KIAA0586: variants seen among roughly 807,000 people sequenced by gnomAD.
KIAA0586 encodes the protein KIAA0586, also known as protein TALPID3.
KIAA0586 carries 144 observed loss-of-function variants against 169.8 expected under a neutral mutation model. The ratio of observed to expected loss-of-function variants is 0.85; its 90% confidence interval spans 0.74 to 0.97. The LOEUF is 0.97. KIAA0586 is among the 50% of genes least tolerant of loss of function. The pLI, the probability that KIAA0586 is intolerant of heterozygous loss-of-function variation, is 0.00. For synonymous variants in KIAA0586, 625 were observed against 612.4 expected (o/e 1.02, Z -0.30); for missense variants, 1,854 against 1,823.0 (o/e 1.02, Z -0.31).
At position 58,490,251 on chromosome 14, in the gene KIAA0586, A is replaced by T. The variant is rs963314277; in HGVS notation, c.3858+11A>T. 1.4e-6 allele frequency: 2 copies of T among 1,443,874 alleles called. No homozygotes were observed. Among genetic ancestry groups the T allele is most frequent in the African/African-American group, 1.4e-5 (1 of 69,806 alleles). 89.4% of individuals were successfully genotyped at this position (1,443,874 alleles called of 1,614,324 possible). ...GATGCCGTTGAAATGGTAAGTAACGATTGACTCCAACACTGAATTCTGACA... is the reference window on the plus strand; with the variant it reads ...GATGCCGTTGAAATGGTAAGTAACGTTTGACTCCAACACTGAATTCTGACA... On this transcript the variant is annotated intron_variant, in intron 25 of 30. Transcript: ENST00000652326.
chr14:58,557,906 T>TTTTTTTTTTTG, the KIAA0586 span, among the ~76,000 whole-genome samples: 1 of 113,508 alleles, frequency 8.8e-6, no homozygotes. Context: ...GAAATCTTTT[T>TTTTTTTTTTTG]TTTTTTTTTT....
intron 26 of KIAA0586, among the ~76,000 whole-genome samples, chr14:58,495,517 C>G (rs1158921279): frequency 3.9e-5 from 6 of 152,040 alleles, no homozygotes; most frequent in Non-Finnish European, 7.4e-5. Context: ...AGGCTGATCT[C>G]CAACTTCTGA....
In KIAA0586 at chr14:58,457,883, A is replaced by G. The variant is rs763988521; in HGVS notation, c.1487A>G (p.Asn496Ser). ...DAEKILRGVQ[N>S]NKKVLEENLE... ...GAGAAGATTTTGAGAGGAGTACAAA[A>G]CAATAAAAAAGTACTTGAAGAAAAC... is the stretch of plus-strand genomic sequence containing the variant. The change falls in exon 11 of 31, where the codon AAC (asparagine) becomes AGC (serine). Residue 496 changes from asparagine (N) to serine (S), a missense_variant. Physicochemically the swap from Asn to Ser is conservative, Grantham distance 46 (BLOSUM62 1). Coordinates refer to ENST00000652326, the MANE Select transcript of KIAA0586 (RefSeq NM_001329943.3). 18 of 1,607,552 alleles carry G rather than the reference A, an allele frequency of 1.1e-5. No individual in the cohort carries two copies. In the African/African-American group the frequency reaches 1.2e-4, roughly 11 times the overall value.
chr14:58,505,968 A>G (rs2043909732), intron 27 of KIAA0586, among the ~76,000 whole-genome samples: 1 of 152,090 alleles, frequency 6.6e-6, no homozygotes, highest in South Asian at 2.1e-4. Context: ...ATGTTGCTAT[A>G]CTGTAGGAAA....
In KIAA0586 at chr14:58,548,114, A is replaced by G; in HGVS notation, c.*182A>G. The G allele has an allele frequency of 1.6e-6, 1 of 623,566 alleles. No individual in the cohort carries two copies. The highest frequency in any genetic ancestry group is 2.6e-6 in the Non-Finnish European group (1 of 382,490). The allele number at this position is 623,566 out of a possible 1,614,324, so 38.6% of individuals were successfully genotyped here. A position where few individuals can be genotyped will look rare whatever the true frequency, so the allele number is the denominator to read the frequency against. On this transcript the variant is annotated 3_prime_UTR_variant, in exon 31 of 31. Coordinates refer to ENST00000652326, the MANE Select transcript of KIAA0586 (RefSeq NM_001329943.3). The stretch of plus-strand genomic sequence containing the variant: ...TAAAGTTTTTAAATAAAATAAGTAT[A>G]AGTCATTATAAGTCTGATTGTGAGT...
At chr14:58,505,175 G>A (rs1195293610) in intron 27 of KIAA0586, among the ~76,000 whole-genome samples, 1 of 152,058 alleles carries the variant, frequency 6.6e-6, no homozygotes, top group Non-Finnish European at 1.5e-5. Flanking sequence ...AATATATATG[G>A]TATGTGTGAT....
At chr14:58,430,238 T>G (rs994164544) in intron 2 of KIAA0586, among the ~76,000 whole-genome samples, 7 of 152,094 alleles carry the variant, frequency 4.6e-5, no homozygotes, top group African/African-American at 1.7e-4. Context: ...ACACTGTTAT[T>G]GTATAATTGA....
At chr14:58,487,859 T>C (rs1291619596) in intron 22 of KIAA0586, 28 bp from the exon 23 acceptor site, 1 of 1,407,908 alleles carries the variant, frequency 7.1e-7, no homozygotes, top group East Asian at 2.5e-5. Context: ...TACTATCTTT[T>C]TCTGTCCTTT....
intron 29 of KIAA0586, among the ~76,000 whole-genome samples, chr14:58,526,559 AACAT>A (rs1429305031): frequency 6.6e-6 from 1 of 152,218 alleles, no homozygotes; most frequent in African/African-American, 2.4e-5. Flanking sequence ...GAAGGTCACT[AACAT>A]CAAAGACCAA....
downstream of KIAA0586, among the ~76,000 whole-genome samples, chr14:58,552,629 G>A (rs1485961069): frequency 3.3e-5 from 5 of 152,130 alleles, no homozygotes; most frequent in African/African-American, 1.2e-4. Flanking sequence ...AGTTCAGTAC[G>A]CTCCTACCAT....
intron 26 of KIAA0586, among the ~76,000 whole-genome samples, chr14:58,493,658 A>C (rs150129809): frequency 6.6e-6 from 1 of 152,088 alleles, no homozygotes; most frequent in African/African-American, 2.4e-5. Flanking sequence ...AAGGCTTAAC[A>C]TATTCCTTCT....
At chr14:58,449,643 A>T (rs2039187315) in intron 7 of KIAA0586, among the ~76,000 whole-genome samples, 1 of 152,354 alleles carries the variant, frequency 6.6e-6, no homozygotes, top group African/African-American at 2.4e-5. Context: ...TGCCTGCTCA[A>T]GGTTACCTGA....
chr14:58,455,199 ATC>A (rs1448220375), intron 9 of KIAA0586, among the ~76,000 whole-genome samples: 2 of 151,318 alleles, frequency 1.3e-5, no homozygotes, highest in African/African-American at 4.9e-5. Flanking sequence ...AATGTTTTCT[ATC>A]TCTATTGATC....
intron 8 of KIAA0586, among the ~76,000 whole-genome samples, chr14:58,452,388 T>G (rs1251425472): frequency 6.6e-6 from 1 of 152,194 alleles, no homozygotes; most frequent in Admixed American, 6.5e-5. Flanking sequence ...TGGAATCATT[T>G]AAATGCATGC....
rs2042501772 is a variant in KIAA0586 at position 58,487,046 on chromosome 14, C to G, written c.3184C>G (p.Pro1062Ala). The change falls in exon 22 of 31, where the codon CCT becomes GCT. Residue 1062 changes from proline to alanine, a missense_variant. Pro to Ala is a conservative substitution (Grantham distance 27). Transcript: ENST00000652326. ...CTPLPTPQPT[P>A]PCSPSSPAKE... is the part of the protein sequence containing the mutation. Reference sequence around the variant, plus strand: ...CCCACTGCCTACCCCACAGCCTACGCCTCCTTGCTCACCTTCATCACCTGC... The same window carrying G: ...CCCACTGCCTACCCCACAGCCTACGGCTCCTTGCTCACCTTCATCACCTGC... 8 of 1,613,328 alleles carry G rather than the reference C, an allele frequency of 5.0e-6. No homozygotes were observed. The highest frequency in any genetic ancestry group is 5.9e-6 in the Non-Finnish European group (7 of 1,179,364).
intron 20 of KIAA0586, among the ~76,000 whole-genome samples, chr14:58,477,645 C>T (rs2141059670): frequency 6.6e-6 from 1 of 152,234 alleles, no homozygotes; most frequent in Middle Eastern, 3.4e-3. Flanking sequence ...TTTAAGTATT[C>T]ATTGAATGGT....
downstream of KIAA0586, among the ~76,000 whole-genome samples, chr14:58,552,989 TATC>T (rs1167963435): frequency 6.6e-6 from 1 of 152,234 alleles, no homozygotes; most frequent in African/African-American, 2.4e-5. Flanking sequence ...GAGGTATTTC[TATC>T]ATCAGGATAG....
chr14:58,541,838 C>A (rs556676760), intron 30 of KIAA0586, among the ~76,000 whole-genome samples: 2 of 152,166 alleles, frequency 1.3e-5, no homozygotes, highest in Admixed American at 1.3e-4. Context: ...GGTTAAATGA[C>A]ACACTGCAAA....
At chr14:58,496,753 C>T (rs1025312056) in intron 26 of KIAA0586, among the ~76,000 whole-genome samples, 1 of 152,028 alleles carries the variant, frequency 6.6e-6, no homozygotes, top group Admixed American at 6.5e-5. Context: ...TTAAAAAAAA[C>T]ACTTGTTGGT....
Sources: gnomAD v4.1 joint callset for allele counts (sites outside exome capture counted in the v4.1 genomes callset) on GRCh38, gnomAD v4.1.1 for gene constraint, MANE v1.5 for transcripts, NCBI Gene and HGNC (gene_info 2026-07-23, HGNC 2026-07-21) for gene names.